Variants in LMOD1 observed in about 807,000 individuals in gnomAD.
LMOD1 encodes the protein leiomodin-1.
LMOD1 carries 8 observed loss-of-function variants against 36.5 expected under a neutral mutation model. The observed-to-expected ratio is 0.22, with a 90% CI of 0.13 to 0.40. LMOD1 has a LOEUF of 0.40. Among genes scored for constraint, LMOD1 ranks in the 10% least tolerant of loss-of-function variants. The pLI, the probability that LMOD1 is intolerant of heterozygous loss-of-function variation, is 1.00. For missense variants in LMOD1, 630 were observed against 751.1 expected (o/e 0.84, Z 1.88); for synonymous variants, 284 against 288.7 (o/e 0.98, Z 0.17).
chr1:201,939,865 T>G (rs545733540), intron 1 of LMOD1, among the ~76,000 whole-genome samples: 3 of 152,180 alleles, frequency 2.0e-5, no homozygotes, highest in African/African-American at 7.2e-5. Flanking sequence ...GCTGTAGATA[T>G]GCTGACACGG....
chr1:201,938,254 C>T (rs755961025), intron 1 of LMOD1, among the ~76,000 whole-genome samples: 39 of 152,076 alleles, frequency 2.6e-4, no homozygotes, highest in East Asian at 1.7e-3. Flanking sequence ...CTCAGCCTCC[C>T]GAGTAGCTGG....
chr1:201,924,126 C>A (rs1470970999), intron 1 of LMOD1, among the ~76,000 whole-genome samples: 2 of 150,440 alleles, frequency 1.3e-5, no homozygotes, highest in Non-Finnish European at 3.0e-5. Flanking sequence ...ACCATCCTGG[C>A]TAACACGGTG....
chr1:201,899,534 C>A lies in LMOD1; in HGVS notation c.1479G>T (p.Lys493Asn). The change falls in exon 2 of 3, where the codon AAG becomes AAT. Residue 493 changes from lysine (K) to asparagine (N), a missense_variant. By Grantham distance (94) the Lys-to-Asn change is moderately conservative. Around this residue, in one of 3 missense-constraint regions of LMOD1, gnomAD observed 144 missense variants for 169.8 expected, o/e 0.85. Coordinates refer to ENST00000367288, the MANE Select transcript of LMOD1 (RefSeq NM_012134.3). This position sits in a 1 kb window ranked among gnomAD's most constrained non-coding sequence, Gnocchi z 6.3. ...CGGCCTTGGGTACCTCCAGCAGATC[C>A]TTCTTCTCTCCCTTGGCTTCCTGTG... ...RQAQEAKGEK[K>N]DLLEVPKAGA... 6.2e-7 allele frequency: 1 copy of A among 1,612,956 alleles called. No homozygotes were observed. Among genetic ancestry groups the A allele is most frequent in the South Asian group, 1.1e-5 (1 of 91,050 alleles).
In LMOD1 at chr1:201,899,699, G is replaced by T. The variant is rs765584863; in HGVS notation, c.1314C>A (p.Ala438=). The T allele has an allele frequency of 1.8e-5, 29 of 1,614,030 alleles. No individual in the cohort carries two copies. The highest frequency in any genetic ancestry group is 2.5e-5 in the Non-Finnish European group (29 of 1,179,908). Residue 438 remains alanine (A), a synonymous_variant, in exon 2 of 3, where the codon GCC becomes GCA. Coordinates refer to ENST00000367288, the MANE Select transcript of LMOD1 (RefSeq NM_012134.3). This position sits in a 1 kb window ranked among gnomAD's most constrained non-coding sequence, Gnocchi z 6.3. ...GGGTAGTATTCTCCTTCAGCAGCTT[G>T]GCGATCTCCATCTCCGTCTTGCCTC... is the stretch of plus-strand genomic sequence containing the variant. ...ICGGKTEMEI[A]KLLKENTTLL...
rs1681202140 is a variant in LMOD1, at chr1:201,896,782, G to A, written c.*1590C>T. ...CTGGGGTGACAGGCAAGTGGGTGGA[G>A]GGAATGGAGAAGAGTGTACCCTGGG... On this transcript the variant is annotated 3_prime_UTR_variant, in exon 3 of 3. Transcript: ENST00000367288. 2.6e-5 allele frequency: 12 copies of A among 453,128 alleles called. No homozygotes were observed. Among genetic ancestry groups the A allele is most frequent in the Admixed American group, 2.1e-4 (9 of 42,522 alleles). 28.1% of individuals were successfully genotyped at this position (453,128 alleles called of 1,614,324 possible).
chr1:201,926,016 T>C (rs1681821219), intron 1 of LMOD1, among the ~76,000 whole-genome samples: 1 of 152,028 alleles, frequency 6.6e-6, no homozygotes, highest in African/African-American at 2.4e-5. Context: ...ACCCAGCCAG[T>C]TTTCTTTTTA....
intron 1 of LMOD1, among the ~76,000 whole-genome samples, chr1:201,907,821 T>A (rs1681434425): frequency 6.6e-6 from 1 of 152,048 alleles, no homozygotes; most frequent in Admixed American, 6.5e-5. Flanking sequence ...TGCTCGTTCA[T>A]CCATTCACGG....
intron 1 of LMOD1, among the ~76,000 whole-genome samples, chr1:201,908,130 C>G (rs114074379): frequency 6.6e-6 from 1 of 152,204 alleles, no homozygotes; most frequent in Non-Finnish European, 1.5e-5. Context: ...TTCTTCAACT[C>G]CTGTTCTGGC....
chr1:201,919,698 A>T lies in LMOD1; in HGVS notation c.262-18947T>A, dbSNP rs74136676. 7.4e-3 allele frequency among the ~76,000 whole-genome samples: 1,126 copies of T among 152,274 alleles called. 10 individuals are homozygous for T. The highest frequency in any genetic ancestry group is 0.026 in the African/African-American group (1,075 of 41,554). On this transcript the variant is annotated intron_variant, in intron 1 of 2. Transcript: ENST00000367288. ...AGACTAAGCCTGCCATTCCAGCCTGACTAGAATTTTCTAAATCCTGGTTCT... is the reference window on the plus strand; with the variant it reads ...AGACTAAGCCTGCCATTCCAGCCTGTCTAGAATTTTCTAAATCCTGGTTCT...
chr1:201,921,524 C>G (rs1232645280), intron 1 of LMOD1, among the ~76,000 whole-genome samples: 6 of 137,386 alleles, frequency 4.4e-5, no homozygotes, highest in Non-Finnish European at 9.4e-5. Flanking sequence ...ATCTGGGGCT[C>G]AGAAAGGAGA....
At chr1:201,917,236 G>A (rs966630782) in intron 1 of LMOD1, among the ~76,000 whole-genome samples, 4 of 152,154 alleles carry the variant, frequency 2.6e-5, no homozygotes, top group Non-Finnish European at 5.9e-5. Context: ...AATGGGGGAA[G>A]GTGGCCTGAC....
chr1:201,928,923 GTCC>G (rs1681872587), intron 1 of LMOD1, among the ~76,000 whole-genome samples: 1 of 151,896 alleles, frequency 6.6e-6, no homozygotes, highest in South Asian at 2.1e-4. Context: ...TTGCCATGTT[GTCC>G]AAGCTTGTCT....
At chr1:201,926,551 T>A (rs1160763075) in intron 1 of LMOD1, among the ~76,000 whole-genome samples, 1 of 152,150 alleles carries the variant, frequency 6.6e-6, no homozygotes, top group African/African-American at 2.4e-5. Context: ...TATGATGACA[T>A]CCACTGAAAA....
chr1:201,905,634 T>A (rs1681399304), intron 1 of LMOD1, among the ~76,000 whole-genome samples: 1 of 152,146 alleles, frequency 6.6e-6, no homozygotes, highest in Non-Finnish European at 1.5e-5. Flanking sequence ...GCCCACACCG[T>A]CCCCCACTGA....
intron 1 of LMOD1, among the ~76,000 whole-genome samples, chr1:201,921,599 A>G (rs2102920458): frequency 6.6e-6 from 1 of 152,154 alleles, no homozygotes; most frequent in East Asian, 1.9e-4. Flanking sequence ...CCACGGGAGT[A>G]AATATGGTGA....
At chr1:201,938,943 T>C (rs985982187) in intron 1 of LMOD1, among the ~76,000 whole-genome samples, 1 of 152,022 alleles carries the variant, frequency 6.6e-6, no homozygotes, top group Non-Finnish European at 1.5e-5. Context: ...TCTCCTAATC[T>C]CCTTTCACTC....
At chr1:201,931,322 G>A (rs916149472) in intron 1 of LMOD1, among the ~76,000 whole-genome samples, 9 of 152,170 alleles carry the variant, frequency 5.9e-5, no homozygotes, top group African/African-American at 1.7e-4. Context: ...ATCACTTGAG[G>A]GCAAGAGTTC....
At chr1:201,936,503 T>G (rs1682021851) in intron 1 of LMOD1, among the ~76,000 whole-genome samples, 2 of 152,196 alleles carry the variant, frequency 1.3e-5, no homozygotes, top group South Asian at 4.1e-4. Flanking sequence ...CCACTCCTCC[T>G]GCTCTAGTTT....
chr1:201,946,458 C>G lies in LMOD1; in HGVS notation c.-118G>C, dbSNP rs1224089786. 44 of 1,052,680 alleles carry G rather than the reference C, an allele frequency of 4.2e-5. No homozygotes were observed. Among genetic ancestry groups the G allele is most frequent in the East Asian group, 3.8e-4 (15 of 39,606 alleles). The allele number at this position is 1,052,680 out of a possible 1,614,324, so 65.2% of individuals were successfully genotyped here. On this transcript the variant is annotated 5_prime_UTR_variant, in exon 1 of 3. Coordinates refer to ENST00000367288, the MANE Select transcript of LMOD1 (RefSeq NM_012134.3). ...GCTGAGGAGCAAACCTCCTGCTGGT[C>G]GAGGACTGCAGCTCCTTGGCCCTTC...
Sources: allele counts gnomAD v4.1 joint callset (sites outside exome capture counted in the v4.1 genomes callset), GRCh38; gene constraint gnomAD v4.1.1; regional missense constraint gnomAD v4.1.1; non-coding constraint Gnocchi (gnomAD v3.1); transcripts MANE v1.5; gene names NCBI Gene and HGNC (gene_info 2026-07-23, HGNC 2026-07-21).